Variants in DCST1 observed in about 807,000 individuals in gnomAD.
DCST1 encodes the protein E3 ubiquitin-protein ligase DCST1.
A neutral mutation model predicts 89.1 loss-of-function variants in DCST1; 78 were observed. The ratio of observed to expected loss-of-function variants is 0.88; its 90% CI spans 0.73 to 1.06. DCST1 has a LOEUF of 1.06. Among genes scored for constraint, DCST1 ranks in the 50% least tolerant of loss-of-function variants. DCST1 has a pLI of 0.00. For missense variants in DCST1, 900 were observed against 928.6 expected, an observed-to-expected ratio of 0.97 and a Z score of 0.40; for synonymous variants, 364 against 371.9, an observed-to-expected ratio of 0.98 and a Z score of 0.24.
chr1:155,040,256 T>G lies in DCST1; in HGVS notation c.392-229T>G, dbSNP rs1209461714. ...AGGCGGAGGTTGCAATGAGCAGAGATCGAGCCACTGCACTCCAGCCTGGGC... is the reference window on the plus strand; with the variant it reads ...AGGCGGAGGTTGCAATGAGCAGAGAGCGAGCCACTGCACTCCAGCCTGGGC... On this transcript the variant is annotated intron_variant, in intron 5 of 16. Coordinates refer to ENST00000295542, the MANE Select transcript of DCST1 (RefSeq NM_152494.4). Among the ~76,000 whole-genome samples the G allele has an allele frequency of 2.9e-5, 4 of 139,344 alleles. No homozygotes were observed. In the Admixed American group the frequency reaches 3.1e-4, roughly 11 times the overall value. The allele number at this position is 139,344 out of a possible 152,430, so 91.4% of individuals were successfully genotyped here. A position where few individuals can be genotyped will look rare whatever the true frequency, so the allele number is the denominator to read the frequency against.
chr1:155,040,765 T>C, intron 6 of DCST1, 141 bp downstream of exon 6: 1 of 1,289,878 alleles, frequency 7.8e-7, no homozygotes. Flanking sequence ...TCCCAAACAT[T>C]GCAGAACGTG....
At chr1:155,049,454 G>A (rs570849736) in intron 16 of DCST1, among the ~76,000 whole-genome samples, 5 of 147,682 alleles carry the variant, frequency 3.4e-5, no homozygotes, top group African/African-American at 5.0e-5. Flanking sequence ...TCACTCTGTC[G>A]CCCAGGCTGG....
Position 155,033,995 on chromosome 1 carries a change from T to G in DCST1, c.-42T>G. 6.2e-7 allele frequency: 1 copy of G among 1,613,058 alleles called. No homozygotes were observed. The highest frequency in any genetic ancestry group is 1.1e-5 in the South Asian group (1 of 91,020). On this transcript the variant is annotated 5_prime_UTR_variant, in exon 2 of 17. Transcript: ENST00000295542. Reference sequence around the variant, plus strand: ...AGAACCTTGTGTCCAAGGAGGTCCTTCAGGAGACCTGGGATGAGTGGTGCT... The same window carrying G: ...AGAACCTTGTGTCCAAGGAGGTCCTGCAGGAGACCTGGGATGAGTGGTGCT...
At position 155,041,491 on chromosome 1, in the gene DCST1, C is replaced by G. The variant is rs143742083; in HGVS notation, c.626C>G (p.Pro209Arg). 6 of 1,613,964 alleles carry G rather than the reference C, an allele frequency of 3.7e-6. No homozygotes were observed. Among genetic ancestry groups the G allele is most frequent in the Middle Eastern group, 1.6e-4 (1 of 6,084 alleles). The change falls in exon 7 of 17, where the codon CCT (proline) becomes CGT (arginine). Residue 209 changes from proline (P) to arginine (R), a missense_variant. Coordinates refer to ENST00000295542, the MANE Select transcript of DCST1 (RefSeq NM_152494.4). ...GTGAATAGTGAGACGGGCTACACGC[C>G]TGAGGATACCATGGACTCAGGGGAG... ...AQVNSETGYTPEDTMDSGETA... is the reference protein window; with the variant it reads ...AQVNSETGYTREDTMDSGETA...
chr1:155,034,426 C>G lies in DCST1; in HGVS notation c.62-9C>G, dbSNP rs1433464241. 1 of 1,613,998 alleles carries G rather than the reference C, an allele frequency of 6.2e-7. No individual in the cohort carries two copies. Among genetic ancestry groups the G allele is most frequent in the Non-Finnish European group, 8.5e-7 (1 of 1,180,038 alleles). Reference sequence around the variant, plus strand: ...AGTGGGCTGTTGAGCTACCCTGTCCCCCTCTTAGCGGTGCAGAGGCTCCTG... The same window carrying G: ...AGTGGGCTGTTGAGCTACCCTGTCCGCCTCTTAGCGGTGCAGAGGCTCCTG... On this transcript the variant is annotated splice_polypyrimidine_tract_variant and intron_variant, in intron 2 of 16. Coordinates refer to ENST00000295542, the MANE Select transcript of DCST1 (RefSeq NM_152494.4).
intron 16 of DCST1, chr1:155,049,399 A>C (rs1482136031): frequency 7.2e-6 from 2 of 278,164 alleles, no homozygotes; most frequent in Non-Finnish European, 1.3e-5. Flanking sequence ...TATCTGCCTT[A>C]CATGACAATT....
intron 9 of DCST1, 34 bp from the exon 10 acceptor site, chr1:155,043,318 C>T (rs769452419): frequency 2.7e-5 from 43 of 1,613,500 alleles, no homozygotes; most frequent in Admixed American, 1.5e-4. Flanking sequence ...ACGAGGTGGC[C>T]GCAGGCTGAG....
Position 155,034,056 on chromosome 1 carries a change from A to G in DCST1, c.20A>G (p.Gln7Arg). The change falls in exon 2 of 17, where the codon CAG becomes CGG. Residue 7 changes from glutamine (Q) to arginine (R), a missense_variant. By Grantham distance (43) the Gln-to-Arg change is conservative. Coordinates refer to ENST00000295542, the MANE Select transcript of DCST1 (RefSeq NM_152494.4). MDIKHHQNGTRGQRRKQ... is the reference protein window; with the variant it reads MDIKHHRNGTRGQRRKQ... The stretch of plus-strand genomic sequence containing the variant: ...AGACTCATGGACATTAAACATCATC[A>G]GAATGGCACAAGAGGGCAAAGAAGA... 1 of 1,614,144 alleles carries G rather than the reference A, an allele frequency of 6.2e-7. No homozygotes were observed. The highest frequency in any genetic ancestry group is 8.5e-7 in the Non-Finnish European group (1 of 1,180,024).
rs141437613 is a variant in DCST1 at position 155,043,442 on chromosome 1, C to T, written c.1105C>T (p.Arg369Trp). The change falls in exon 10 of 17, where the codon CGG becomes TGG. Residue 369 changes from arginine to tryptophan, a missense_variant. Transcript: ENST00000295542. ...GGACTACGTGTACCGCCAGGAGGCC[C>T]GGCTGGAGTGGGCCCTGGGGCTGCT... ...VRDYVYRQEA[R>W]LEWALGLLHV... 2.7e-5 allele frequency: 43 copies of T among 1,613,026 alleles called. No individual in the cohort carries two copies. Among genetic ancestry groups the T allele is most frequent in the Non-Finnish European group, 3.5e-5 (41 of 1,179,678 alleles).
chr1:155,037,051 CA>C (rs35114146), intron 4 of DCST1, among the ~76,000 whole-genome samples: 132,638 of 152,280 alleles, frequency 0.87, 58,189 homozygotes, highest in African/African-American at 0.97. Context: ...CGTGAGCCAC[CA>C]ACGCCCCATC....
chr1:155,049,693 G>C (rs1433196209), intron 16 of DCST1, among the ~76,000 whole-genome samples: 2 of 152,152 alleles, frequency 1.3e-5, no homozygotes, highest in Non-Finnish European at 2.9e-5. Flanking sequence ...ATAAAAGTGA[G>C]ACTGTGTTTG....
At chr1:155,037,438 CTT>C (rs781136167) in intron 4 of DCST1, among the ~76,000 whole-genome samples, 10 of 125,810 alleles carry the variant, frequency 7.9e-5, no homozygotes, top group Admixed American at 1.6e-4. Context: ...CATTGTTGGT[CTT>C]TTTTTTTTTT....
intron 13 of DCST1, 91 bp from the exon 14 acceptor site, chr1:155,047,105 G>A (rs1235761226): frequency 3.0e-6 from 3 of 1,006,182 alleles, no homozygotes; most frequent in East Asian, 4.8e-5. Flanking sequence ...AAGCATTTCT[G>A]TGTCTTGACC....
chr1:155,048,903 C>A, intron 16 of DCST1: 1 of 647,352 alleles, frequency 1.5e-6, no homozygotes, highest in Non-Finnish European at 2.9e-6. Context: ...TCAGGAAGGC[C>A]TCATGCAGGG....
chr1:155,041,900 G>A (rs1660451939), intron 8 of DCST1, 43 bp downstream of exon 8: 6 of 1,611,250 alleles, frequency 3.7e-6, no homozygotes, highest in Non-Finnish European at 3.4e-6. Context: ...GGGGTAGGGA[G>A]CTGAGTCCTT....
chr1:155,034,895 A>G, intron 4 of DCST1, 168 bp downstream of exon 4: 1 of 687,310 alleles, frequency 1.5e-6, no homozygotes, highest in African/African-American at 1.8e-5. Flanking sequence ...GAGGCTGCCA[A>G]TTTAAGAAGG....
intron 9 of DCST1, among the ~76,000 whole-genome samples, 162 bp downstream of exon 9, chr1:155,043,018 C>T (rs1395055446): frequency 1.3e-5 from 2 of 151,426 alleles, no homozygotes; most frequent in Admixed American, 6.6e-5. Context: ...GTTGAGGGGG[C>T]CCTCTGTTTC....
chr1:155,047,509 A>T (rs1660692310), intron 14 of DCST1, among the ~76,000 whole-genome samples, 197 bp downstream of exon 14: 1 of 152,214 alleles, frequency 6.6e-6, no homozygotes, highest in Non-Finnish European at 1.5e-5. Context: ...CTTCAGTCAG[A>T]GGAGTCTGGA....
At chr1:155,041,693 C>T (rs1478481638) in intron 7 of DCST1, 21 bp from the exon 8 acceptor site, 2 of 1,614,144 alleles carry the variant, frequency 1.2e-6, no homozygotes, top group Admixed American at 3.3e-5. Flanking sequence ...GAACCTCAGA[C>T]ACCCTTGCTC....
Sources: allele counts gnomAD v4.1 joint callset (sites outside exome capture counted in the v4.1 genomes callset), GRCh38; gene constraint gnomAD v4.1.1; transcripts MANE v1.5; gene names NCBI Gene and HGNC (gene_info 2026-07-23, HGNC 2026-07-21).